The following KLF12 variants were observed in gnomAD, a reference collection of about 807,000 sequenced individuals.
KLF12 encodes the protein Krueppel-like factor 12.
KLF12 carries 9 observed loss-of-function variants against 37.8 expected under a neutral mutation model. The ratio of observed to expected loss-of-function variants is 0.24; its 90% CI spans 0.14 to 0.42. The LOEUF (loss-of-function observed/expected upper bound fraction) is 0.42, where lower values mean the gene tolerates loss of function less well. Among genes scored for constraint, KLF12 ranks in the 10% least tolerant of loss-of-function variants. The pLI, the probability that KLF12 is intolerant of heterozygous loss-of-function variation, is 1.00. For missense variants in KLF12, 411 were observed against 516.0 expected (o/e 0.80, Z 1.97); for synonymous variants, 208 against 202.1 (o/e 1.03, Z -0.25).
chr13:74,086,402 A>G (rs1875299800), intron 1 of KLF12, among the ~76,000 whole-genome samples: 1 of 151,738 alleles, frequency 6.6e-6, no homozygotes, highest in East Asian at 1.9e-4. Context: ...GTTTGCTGAG[A>G]ATGATGATTT....
At chr13:73,835,883 T>C (rs895283150) in intron 4 of KLF12, among the ~76,000 whole-genome samples, 6 of 152,160 alleles carry the variant, frequency 3.9e-5, no homozygotes, top group Admixed American at 2.6e-4. Flanking sequence ...CAACCAGAAA[T>C]GACCCCCAGT....
At chr13:74,252,768 C>T in the KLF12 span, among the ~76,000 whole-genome samples, 2 of 152,168 alleles carry the variant, frequency 1.3e-5, no homozygotes, top group African/African-American at 2.4e-5. Context: ...TTCCCATCCT[C>T]CCTTCTCTTC....
intron 1 of KLF12, among the ~76,000 whole-genome samples, chr13:74,117,724 C>T (rs1343163058): frequency 1.3e-5 from 2 of 152,142 alleles, no homozygotes; most frequent in African/African-American, 4.8e-5. Context: ...GAGAAGGGTT[C>T]GTCACCTATG....
At chr13:73,821,608 G>A (rs567033953) in intron 4 of KLF12, among the ~76,000 whole-genome samples, 1 of 152,258 alleles carries the variant, frequency 6.6e-6, no homozygotes, top group South Asian at 2.1e-4. Flanking sequence ...GTCCCATGGA[G>A]CATTTCTCTG....
At chr13:74,019,377 T>C (rs1892782583) in intron 1 of KLF12, among the ~76,000 whole-genome samples, 1 of 152,232 alleles carries the variant, frequency 6.6e-6, no homozygotes, top group South Asian at 2.1e-4. Flanking sequence ...TAATTGAATG[T>C]AATTCCATTT....
In KLF12 at chr13:73,695,417, G is replaced by A; in HGVS notation, c.*73C>T. ...GCCCTTTTGTGTTAACACTGTGAAG[G>A]GGATTCAGCCCTGCTGAATTGGGTG... On this transcript the variant is annotated 3_prime_UTR_variant, in exon 8 of 8. Transcript: ENST00000377669. 1 of 1,403,088 alleles carries A rather than the reference G, an allele frequency of 7.1e-7. No individual in the cohort carries two copies. The highest frequency in any genetic ancestry group is 1.0e-6 in the Non-Finnish European group (1 of 1,001,170). 86.9% of individuals were successfully genotyped at this position (1,403,088 alleles called of 1,614,324 possible).
chr13:74,248,091 A>G, the KLF12 span, among the ~76,000 whole-genome samples: 1 of 152,102 alleles, frequency 6.6e-6, no homozygotes, highest in Non-Finnish European at 1.5e-5. Flanking sequence ...GGCTTTTTAT[A>G]TTGGGGAGGA....
intron 1 of KLF12, among the ~76,000 whole-genome samples, chr13:74,016,165 C>T (rs1265856784): frequency 6.6e-6 from 1 of 151,688 alleles, no homozygotes; most frequent in Non-Finnish European, 1.5e-5. Flanking sequence ...GGACCAAAAA[C>T]AAACAAAAAA....
chr13:74,156,959 T>C, the KLF12 span, among the ~76,000 whole-genome samples: 17 of 152,314 alleles, frequency 1.1e-4, no homozygotes, highest in African/African-American at 2.4e-4. Flanking sequence ...CTCTTCACTT[T>C]GGAAATTTGA....
At chr13:74,183,705 G>T in the KLF12 span, among the ~76,000 whole-genome samples, 1 of 152,192 alleles carries the variant, frequency 6.6e-6, no homozygotes, top group Non-Finnish European at 1.5e-5. Flanking sequence ...GGAGGCCAAG[G>T]TGGGTGAATC....
Position 73,695,590 on chromosome 13 carries a change from T to C in KLF12, c.1109A>G (p.Lys370Arg). 6.2e-7 allele frequency: 1 copy of C among 1,614,112 alleles called. No individual in the cohort carries two copies. Among genetic ancestry groups the C allele is most frequent in the Non-Finnish European group, 8.5e-7 (1 of 1,179,978 alleles). ...CTTGAATGGCTTCACTCCCGTATGT[T>C]TGCGGTAATGCCTCGTCAGTTCATC... Residue 370 changes from lysine to arginine, a missense_variant, in exon 8 of 8, where the codon AAA becomes AGA. Around this residue, in one of 2 missense-constraint regions of KLF12, gnomAD observed 60 missense variants for 118.2 expected, o/e 0.51. Coordinates refer to ENST00000377669, the MANE Select transcript of KLF12 (RefSeq NM_007249.5).
chr13:73,755,021 G>C (rs718570), intron 6 of KLF12, among the ~76,000 whole-genome samples: 7 of 152,138 alleles, frequency 4.6e-5, no homozygotes, highest in South Asian at 2.1e-4. Flanking sequence ...GTGCAGTTTG[G>C]GGAAGATTAC....
chr13:73,961,889 G>T (rs773586528), intron 2 of KLF12: 44 of 409,962 alleles, frequency 1.1e-4, no homozygotes, highest in Non-Finnish European at 1.7e-4. Flanking sequence ...TCTCATTTCT[G>T]GTAGAAATGC....
At chr13:73,747,315 T>C (rs1169307520) in intron 6 of KLF12, among the ~76,000 whole-genome samples, 2 of 151,916 alleles carry the variant, frequency 1.3e-5, no homozygotes, top group Admixed American at 6.6e-5. Flanking sequence ...AAGAGGTGAG[T>C]GTTTTAGCTA....
chr13:73,813,583 G>A (rs1883057387), intron 4 of KLF12, among the ~76,000 whole-genome samples: 2 of 152,058 alleles, frequency 1.3e-5, no homozygotes, highest in Admixed American at 6.6e-5. Context: ...AGCTGATAAC[G>A]TAGCTCCTGA....
chr13:73,908,463 A>T (rs1888416385), intron 3 of KLF12, among the ~76,000 whole-genome samples: 3 of 150,464 alleles, frequency 2.0e-5, no homozygotes, highest in African/African-American at 7.3e-5. Context: ...ACCCTCCTAA[A>T]GGTTTTCATT....
intron 1 of KLF12, among the ~76,000 whole-genome samples, chr13:74,083,468 T>G (rs941546915): frequency 6.8e-6 from 1 of 147,366 alleles, no homozygotes; most frequent in African/African-American, 2.5e-5. Flanking sequence ...GATTGTGCCA[T>G]TGCACTCCAG....
At chr13:73,747,964 A>G (rs1231144125) in intron 6 of KLF12, among the ~76,000 whole-genome samples, 1 of 152,238 alleles carries the variant, frequency 6.6e-6, no homozygotes, top group Admixed American at 6.5e-5. Context: ...GAAAAGCTTA[A>G]GAATGTAAAA....
At chr13:73,805,948 G>A (rs1435913236) in intron 5 of KLF12, among the ~76,000 whole-genome samples, 1 of 151,830 alleles carries the variant, frequency 6.6e-6, no homozygotes, top group Admixed American at 6.6e-5. Flanking sequence ...GGGATTACAG[G>A]TGCCCACCAC....
Sources: allele counts gnomAD v4.1 joint callset (sites outside exome capture counted in the v4.1 genomes callset), GRCh38; gene constraint gnomAD v4.1.1; regional missense constraint gnomAD v4.1.1; transcripts MANE v1.5; gene names NCBI Gene and HGNC (gene_info 2026-07-23, HGNC 2026-07-21).